MARVELD2: variants seen among roughly 807,000 people sequenced by gnomAD.
The protein encoded by MARVELD2 is MARVEL domain containing 2, also known as MARVEL domain-containing protein 2.
In MARVELD2, 49 loss-of-function variants were observed where a neutral mutation model predicts 57.6. That is an observed-to-expected ratio of 0.85 (90% confidence interval 0.68 to 1.08). The LOEUF is 1.08. Ranked by LOEUF, MARVELD2 falls within the 50% of genes least tolerant of loss-of-function variation. The probability of loss-of-function intolerance (pLI) is 0.00; values close to 1 mark genes in which losing one functional copy is unlikely to be tolerated. For missense variants in MARVELD2, 606 were observed against 701.1 expected (o/e 0.86, Z 1.53); for synonymous variants, 238 against 258.8 (o/e 0.92, Z 0.77).
At chr5:69,436,956 C>T (rs58139795) in intron 5 of MARVELD2, among the ~76,000 whole-genome samples, 7,488 of 151,974 alleles carry the variant, frequency 0.049, 620 homozygotes, top group African/African-American at 0.17. Context: ...AACCCCATCT[C>T]GGCCAGGCAC....
At chr5:69,440,170 T>C (rs1767286350) in intron 5 of MARVELD2, among the ~76,000 whole-genome samples, 1 of 152,208 alleles carries the variant, frequency 6.6e-6, no homozygotes, top group South Asian at 2.1e-4. Flanking sequence ...GAAACTGAAC[T>C]TGCCAGCTGT....
At chr5:69,438,082 T>C (rs924116109) in intron 5 of MARVELD2, among the ~76,000 whole-genome samples, 2 of 152,218 alleles carry the variant, frequency 1.3e-5, no homozygotes, top group Admixed American at 1.3e-4. Context: ...TTTCCCACCA[T>C]GTCCCCATGG....
At chr5:69,418,099 C>A (rs1369955989) in intron 1 of MARVELD2, among the ~76,000 whole-genome samples, 3 of 151,940 alleles carry the variant, frequency 2.0e-5, no homozygotes, top group Admixed American at 6.6e-5. Flanking sequence ...CAGAGTGAGA[C>A]CCTGTCTTAA....
chr5:69,438,207 G>C (rs908711455), intron 5 of MARVELD2, among the ~76,000 whole-genome samples: 1 of 152,244 alleles, frequency 6.6e-6, no homozygotes, highest in South Asian at 2.1e-4. Context: ...CCATAAAGTA[G>C]AAATATTGCC....
At chr5:69,434,475 A>G (rs1341007608) in intron 5 of MARVELD2, among the ~76,000 whole-genome samples, 1 of 151,214 alleles carries the variant, frequency 6.6e-6, no homozygotes, top group African/African-American at 2.4e-5. Flanking sequence ...AAAAAAAAAA[A>G]GCAAGCAGAT....
chr5:69,432,702 A>G, intron 4 of MARVELD2, 27 bp downstream of exon 4: 1 of 1,613,864 alleles, frequency 6.2e-7, no homozygotes, highest in Admixed American at 1.7e-5. Context: ...ATTCTTCCTC[A>G]AGGTAGAAGT....
At chr5:69,427,152 T>G (rs1327201871) in intron 3 of MARVELD2, among the ~76,000 whole-genome samples, 1 of 152,178 alleles carries the variant, frequency 6.6e-6, no homozygotes, top group Non-Finnish European at 1.5e-5. Flanking sequence ...AAGACTACTT[T>G]TAAAAGAAAT....
At chr5:69,434,858 G>C (rs1767083327) in intron 5 of MARVELD2, among the ~76,000 whole-genome samples, 1 of 151,652 alleles carries the variant, frequency 6.6e-6, no homozygotes, top group African/African-American at 2.4e-5. Flanking sequence ...ACCATGCCCA[G>C]CTAATTTTGT....
chr5:69,422,790 C>T (rs965545330), intron 2 of MARVELD2, among the ~76,000 whole-genome samples: 10 of 152,096 alleles, frequency 6.6e-5, no homozygotes, highest in Admixed American at 3.9e-4. Context: ...CGGAACCTGC[C>T]GACATGTGAT....
In MARVELD2 at chr5:69,420,394, G is replaced by A; in HGVS notation, c.1009G>A (p.Val337Ile). ...NTPVNAVFCR[V>I]EGGQIAAMIF... Reference sequence around the variant, plus strand: ...ACCAGTGAATGCAGTGTTCTGCCGGGTAGAAGGAGGACAGATAGCTGCAAT... The same window carrying A: ...ACCAGTGAATGCAGTGTTCTGCCGGATAGAAGGAGGACAGATAGCTGCAAT... Residue 337 changes from valine to isoleucine, a missense_variant, in exon 2 of 7, where the codon GTA (valine) becomes ATA (isoleucine). Val to Ile is a conservative substitution (Grantham distance 29). Transcript: ENST00000325631. 1 of 1,614,070 alleles carries A rather than the reference G, an allele frequency of 6.2e-7. No homozygotes were observed. Among genetic ancestry groups the A allele is most frequent in the Non-Finnish European group, 8.5e-7 (1 of 1,180,022 alleles).
At chr5:69,424,461 A>G (rs1766722852) in intron 2 of MARVELD2, 140 bp from the exon 3 acceptor site, 1 of 717,482 alleles carries the variant, frequency 1.4e-6, no homozygotes, top group African/African-American at 1.7e-5. Context: ...AACCTAGGCA[A>G]AAAAAGGATG....
rs1207409857 is a variant in MARVELD2, at chr5:69,422,317, A to C, written c.1146+1786A>C. On this transcript the variant is annotated intron_variant, in intron 2 of 6. Transcript: ENST00000325631. ...GCCATATTTCTCTTCTTTCAAAAGC[A>C]AATAGGAGAAATATCGCTGAATTCT... Among the ~76,000 whole-genome samples, 4 of 152,226 alleles carry C rather than the reference A, an allele frequency of 2.6e-5. No homozygotes were observed. The East Asian group carries it at 7.7e-4, about 29-fold the overall frequency.
rs751731005 is a variant in MARVELD2 at position 69,419,675 on chromosome 5, C to A, written c.290C>A (p.Pro97His). 5.6e-6 allele frequency: 9 copies of A among 1,614,102 alleles called. No individual in the cohort carries two copies. The South Asian group carries it at 8.8e-5, about 16-fold the overall frequency. The change falls in exon 2 of 7, where the codon CCC becomes CAC. Residue 97 changes from proline (P) to histidine (H), a missense_variant. Pro to His is a moderately conservative substitution (Grantham distance 77). Coordinates refer to ENST00000325631, the MANE Select transcript of MARVELD2 (RefSeq NM_001038603.3). ...KNFFRGKKKD[P>H]EWDKPVSDIR... ...TTTTTCAGAGGGAAGAAAAAGGACC[C>A]CGAATGGGATAAGCCGGTGTCTGAT...
intron 3 of MARVELD2, among the ~76,000 whole-genome samples, chr5:69,426,320 C>CATCATTATTATT (rs1554046974): frequency 7.1e-6 from 1 of 140,116 alleles, no homozygotes; most frequent in Non-Finnish European, 1.5e-5. Context: ...AGATACTGGA[C>CATCATTATTATT]ATTATTATTA....
chr5:69,433,153 C>G, intron 5 of MARVELD2, 60 bp downstream of exon 5: 1 of 477,910 alleles, frequency 2.1e-6, no homozygotes, highest in Non-Finnish European at 3.4e-6. Context: ...TAAAATCTGG[C>G]TTTTTTTTTT....
Position 69,441,671 on chromosome 5 carries a change from C to CTTTAT in MARVELD2, c.*21_*25dup. 6.6e-7 allele frequency: 1 copy of CTTTAT among 1,515,134 alleles called. No individual in the cohort carries two copies. The highest frequency in any genetic ancestry group is 9.1e-7 in the Non-Finnish European group (1 of 1,096,678). The allele number at this position is 1,515,134 out of a possible 1,614,324, so 93.9% of individuals were successfully genotyped here. On this transcript the variant is annotated 3_prime_UTR_variant, in exon 7 of 7. Transcript: ENST00000325631. ...TATTCTTAACGCTTATTTGAAACCA[C>CTTTAT]TTTATTTTTTTATTTTATTTTATTT...
At chr5:69,423,493 A>C (rs920695011) in intron 2 of MARVELD2, among the ~76,000 whole-genome samples, 2 of 152,144 alleles carry the variant, frequency 1.3e-5, no homozygotes, top group Admixed American at 1.3e-4. Flanking sequence ...TTCTGGGCTC[A>C]AGCAATCCTC....
At chr5:69,417,882 T>C (rs1178238650) in intron 1 of MARVELD2, among the ~76,000 whole-genome samples, 2 of 148,226 alleles carry the variant, frequency 1.3e-5, no homozygotes, top group South Asian at 4.2e-4. Flanking sequence ...GAGCTTGCAG[T>C]GAGCCGAGAT....
chr5:69,425,735 CTTT>C (rs11396193), intron 3 of MARVELD2, among the ~76,000 whole-genome samples: 8 of 140,926 alleles, frequency 5.7e-5, no homozygotes, highest in Admixed American at 1.4e-4. Flanking sequence ...AATAATAATA[CTTT>C]TTTTTTTTTT....
Sources: allele counts gnomAD v4.1 joint callset (sites outside exome capture counted in the v4.1 genomes callset), GRCh38; gene constraint gnomAD v4.1.1; transcripts MANE v1.5; gene names NCBI Gene and HGNC (gene_info 2026-07-23, HGNC 2026-07-21).